Variants in LRRC61 observed in about 807,000 individuals in gnomAD.
LRRC61 encodes leucine-rich repeat-containing protein 61.
LRRC61 carries 9 observed loss-of-function variants against 15.1 expected under a neutral mutation model. The ratio of observed to expected loss-of-function variants is 0.60; its 90% CI spans 0.36 to 1.04. The LOEUF is 1.04. LRRC61 is among the 50% of genes least tolerant of loss of function. The pLI, the probability that LRRC61 is intolerant of heterozygous loss-of-function variation, is 0.01. For synonymous variants in LRRC61, 173 were observed against 158.6 expected (o/e 1.09, Z -0.68); for missense variants, 344 against 335.6 (o/e 1.03, Z -0.20).
At chr7:150,328,080 TA>T (rs1798000958) in intron 2 of LRRC61, among the ~76,000 whole-genome samples, 1 of 152,232 alleles carries the variant, frequency 6.6e-6, no homozygotes, top group African/African-American at 2.4e-5. Context: ...GCTGTTCTCA[TA>T]CATCATTTAA....
chr7:150,336,368 A>G (rs1188353990), intron 2 of LRRC61, among the ~76,000 whole-genome samples: 2 of 152,248 alleles, frequency 1.3e-5, no homozygotes, highest in Non-Finnish European at 2.9e-5. Flanking sequence ...TAACGGTTTA[A>G]AAAACACCCC....
At chr7:150,327,755 G>A (rs1308892289) in intron 2 of LRRC61, among the ~76,000 whole-genome samples, 3 of 151,526 alleles carry the variant, frequency 2.0e-5, no homozygotes, top group African/African-American at 7.3e-5. Context: ...GGGAGGTTGA[G>A]GCTGCAGTGA....
upstream of LRRC61, among the ~76,000 whole-genome samples, chr7:150,319,226 C>A (rs898871292): frequency 1.2e-3 from 175 of 145,468 alleles, no homozygotes; most frequent in African/African-American, 4.2e-3. Flanking sequence ...TTTTTTGAGA[C>A]AGAGTCTCAC....
At chr7:150,329,061 C>T (rs1272132550) in intron 2 of LRRC61, among the ~76,000 whole-genome samples, 1 of 152,174 alleles carries the variant, frequency 6.6e-6, no homozygotes, top group Non-Finnish European at 1.5e-5. Flanking sequence ...CCTAGTCTCC[C>T]GTGAAACATT....
chr7:150,309,924 G>A, the LRRC61 span, among the ~76,000 whole-genome samples: 1 of 152,040 alleles, frequency 6.6e-6, no homozygotes, highest in South Asian at 2.1e-4. Context: ...CTTTTTAATT[G>A]ATATGGAGGC....
chr7:150,322,886 C>G (rs1384879438), upstream of LRRC61: 1 of 152,312 alleles, frequency 6.6e-6, no homozygotes, highest in East Asian at 1.9e-4. Flanking sequence ...GCCTTCCACG[C>G]GGGAGACCTG....
the LRRC61 span, among the ~76,000 whole-genome samples, chr7:150,315,186 G>T: frequency 1.3e-5 from 2 of 150,328 alleles, no homozygotes; most frequent in East Asian, 1.9e-4. Context: ...AGTAGGCAAA[G>T]ATTTCTCTAA....
the LRRC61 span, among the ~76,000 whole-genome samples, chr7:150,314,943 C>A: frequency 7.5e-6 from 1 of 133,600 alleles, no homozygotes; most frequent in African/African-American, 2.7e-5. Flanking sequence ...CAAAGCAAGA[C>A]CCAGTTTCAA....
Position 150,337,580 on chromosome 7 carries a change from G to T in LRRC61, c.719G>T (p.Ser240Ile). ...CWDLDRQASD[S>I]LAQAEQVLSS... ...GACCTGGACCGCCAGGCCAGCGACA[G>T]CCTGGCCCAGGCGGAGCAGGTACTC... Residue 240 changes from serine (S) to isoleucine (I), a missense_variant, in exon 3 of 3, where the codon AGC becomes ATC. Coordinates refer to ENST00000359623, the MANE Select transcript of LRRC61 (RefSeq NM_001142928.2). 6.3e-7 allele frequency: 1 copy of T among 1,580,746 alleles called. No individual in the cohort carries two copies. Among genetic ancestry groups the T allele is most frequent in the East Asian group, 2.2e-5 (1 of 44,504 alleles).
upstream of LRRC61, among the ~76,000 whole-genome samples, chr7:150,321,133 A>C (rs1265134857): frequency 6.6e-6 from 1 of 152,180 alleles, no homozygotes; most frequent in African/African-American, 2.4e-5. Flanking sequence ...GCTTGTGTTC[A>C]GCAAAAATCT....
Position 150,337,159 on chromosome 7 carries a change from C to T in LRRC61, c.298C>T (p.Gln100Ter). 1.2e-6 allele frequency: 2 copies of T among 1,610,732 alleles called. No individual in the cohort carries two copies. The highest frequency in any genetic ancestry group is 1.7e-6 in the Non-Finnish European group (2 of 1,179,996). Residue 100 changes from glutamine (Q) to a stop codon, truncating the protein, a stop_gained, in exon 3 of 3, where the codon CAG (glutamine) becomes TAG (stop). Transcript: ENST00000359623. LOFTEE classifies it high-confidence loss of function. ...GCCACTGGCCACCTGTGAGAACTTG[C>T]AGAGTCTCAATGCCGCAGGCAACCT... Reference protein sequence around the residue: ...LEPLATCENLQSLNAAGNLLA... With the variant: ...LEPLATCENL
chr7:150,312,641 C>T, the LRRC61 span, among the ~76,000 whole-genome samples: 37 of 152,236 alleles, frequency 2.4e-4, no homozygotes, highest in Non-Finnish European at 4.3e-4. Flanking sequence ...ACCTTAGACC[C>T]GAAACTTACT....
intron 2 of LRRC61, among the ~76,000 whole-genome samples, chr7:150,334,431 G>C (rs1213173059): frequency 7.4e-6 from 1 of 135,180 alleles, no homozygotes; most frequent in Non-Finnish European, 1.6e-5. Context: ...CTCGTGCATA[G>C]GACATCTTCC....
chr7:150,328,158 A>G (rs575200894), intron 2 of LRRC61, among the ~76,000 whole-genome samples: 1 of 152,310 alleles, frequency 6.6e-6, no homozygotes, highest in African/African-American at 2.4e-5. Context: ...CTTTTGGGGT[A>G]GGTGAATGGA....
chr7:150,332,746 TA>T (rs1452954024), intron 2 of LRRC61: 4 of 166,970 alleles, frequency 2.4e-5, no homozygotes, highest in African/African-American at 9.7e-5. Flanking sequence ...TGATTTGCAT[TA>T]AAGTCTGGCC....
chr7:150,330,435 G>A lies in LRRC61; in HGVS notation c.-145+4425G>A, dbSNP rs755474847. 1 of 775,234 alleles carries A rather than the reference G, an allele frequency of 1.3e-6. No homozygotes were observed. Among genetic ancestry groups the A allele is most frequent in the Non-Finnish European group, 2.4e-6 (1 of 418,096 alleles). 48.0% of individuals were successfully genotyped at this position (775,234 alleles called of 1,614,324 possible). ...GGTCCGCGAGGCGAGTGCGGCACAG[G>A]CCTCTCTGAGCCAGGTGCTGCCCCA... On this transcript the variant is annotated intron_variant, in intron 2 of 2. Coordinates refer to ENST00000359623, the MANE Select transcript of LRRC61 (RefSeq NM_001142928.2). This position sits in a 1 kb window ranked among gnomAD's most constrained non-coding sequence, Gnocchi z 4.6.
In LRRC61 at chr7:150,323,644, C is replaced by G. The variant is rs1298423640; in HGVS notation, c.-315+84C>G. 6 of 455,618 alleles carry G rather than the reference C, an allele frequency of 1.3e-5. No homozygotes were observed. The East Asian group carries it at 2.1e-4, about 16-fold the overall frequency. The allele number at this position is 455,618 out of a possible 1,614,324, so 28.2% of individuals were successfully genotyped here. On this transcript the variant is annotated intron_variant, in intron 1 of 2. Transcript: ENST00000359623. ...CGGCCCCGGGGGGCCACCTGCTGGG[C>G]CAGCGGTGCCCTCGCGCCGAAACAC...
chr7:150,310,243 A>C, the LRRC61 span, among the ~76,000 whole-genome samples: 1 of 152,026 alleles, frequency 6.6e-6, no homozygotes, highest in East Asian at 1.9e-4. Context: ...CTTAATCCAC[A>C]AGTATGGGAT....
At chr7:150,314,023 T>C in the LRRC61 span, among the ~76,000 whole-genome samples, 1 of 152,224 alleles carries the variant, frequency 6.6e-6, no homozygotes, top group Non-Finnish European at 1.5e-5. Context: ...AGCACAGTAC[T>C]GGACCCATAT....
Sources: gnomAD v4.1 joint callset for allele counts (sites outside exome capture counted in the v4.1 genomes callset) on GRCh38, gnomAD v4.1.1 for gene constraint, Gnocchi (gnomAD v3.1) non-coding constraint, MANE v1.5 for transcripts, NCBI Gene and HGNC (gene_info 2026-07-23, HGNC 2026-07-21) for gene names.